Variants in RFC3 observed in about 807,000 individuals in gnomAD.
RFC3 encodes the protein replication factor C subunit 3, also known as A1 38 kDa subunit.
A neutral mutation model predicts 45.1 loss-of-function variants in RFC3; 41 were observed. That is an observed-to-expected ratio of 0.91 (90% confidence interval 0.71 to 1.18). RFC3 has a LOEUF of 1.18. Ranked by LOEUF, RFC3 falls within the 50% of genes most tolerant of loss-of-function variation. The probability of loss-of-function intolerance (pLI) is 0.00; values close to 1 mark genes in which losing one functional copy is unlikely to be tolerated. For synonymous variants in RFC3, 149 were observed against 144.0 expected, an observed-to-expected ratio of 1.03 and a Z score of -0.25; for missense variants, 423 against 428.1, an observed-to-expected ratio of 0.99 and a Z score of 0.10.
chr13:33,818,408 G>C (rs2139365892), intron 1 of RFC3, 143 bp downstream of exon 1: 1 of 620,920 alleles, frequency 1.6e-6, no homozygotes, highest in East Asian at 2.9e-5. Context: ...GAAGGGGGAA[G>C]AGGTGTGGGA....
intron 8 of RFC3, among the ~76,000 whole-genome samples, chr13:33,899,204 C>CAAAAAAAAAGAA (rs2082621868): frequency 1.9e-5 from 1 of 51,968 alleles, no homozygotes; most frequent in Non-Finnish European, 3.6e-5. Flanking sequence ...CACAATAAGA[C>CAAAAAAAAAGAA]AAAAAAAAAA....
At chr13:33,839,107 G>C (rs971788712), downstream of RFC3, among the ~76,000 whole-genome samples, 2 of 152,134 alleles carry the variant, frequency 1.3e-5, no homozygotes, top group Admixed American at 1.3e-4. Context: ...GTGGAATGAG[G>C]AATGCATTCA....
chr13:33,974,483 G>A, the RFC3 span, among the ~76,000 whole-genome samples: 1 of 152,124 alleles, frequency 6.6e-6, no homozygotes, highest in South Asian at 2.1e-4. Flanking sequence ...CCCCAGCATG[G>A]AATGATGGTC....
intron 4 of RFC3, among the ~76,000 whole-genome samples, chr13:33,827,368 A>G (rs2139396779): frequency 6.6e-6 from 1 of 152,326 alleles, no homozygotes; most frequent in Admixed American, 6.5e-5. Flanking sequence ...TTTTCTGCCT[A>G]CCAAGTACTG....
At chr13:33,842,053 G>A (rs774294639), downstream of RFC3, among the ~76,000 whole-genome samples, 1 of 152,246 alleles carries the variant, frequency 6.6e-6, no homozygotes, top group Non-Finnish European at 1.5e-5. Flanking sequence ...AGGCTGAGGC[G>A]GGAAAGTTGC....
At chr13:33,887,953 A>T (rs1234512384) in intron 8 of RFC3, among the ~76,000 whole-genome samples, 1 of 152,112 alleles carries the variant, frequency 6.6e-6, no homozygotes, top group Admixed American at 6.5e-5. Context: ...ACGCAGCATT[A>T]TTTCTGAGGG....
At chr13:33,912,933 A>G (rs1198507723) in intron 8 of RFC3, among the ~76,000 whole-genome samples, 1 of 152,002 alleles carries the variant, frequency 6.6e-6, no homozygotes, top group Non-Finnish European at 1.5e-5. Flanking sequence ...AGAGAGAGAA[A>G]TCATAGATAA....
At chr13:33,924,845 A>G (rs2082793256) in intron 8 of RFC3, among the ~76,000 whole-genome samples, 1 of 150,468 alleles carries the variant, frequency 6.6e-6, no homozygotes, top group African/African-American at 2.4e-5. Context: ...TGGTGACTAT[A>G]GTTAACAATA....
At chr13:33,889,574 C>T (rs1178590720) in intron 8 of RFC3, among the ~76,000 whole-genome samples, 3 of 152,136 alleles carry the variant, frequency 2.0e-5, no homozygotes, top group African/African-American at 7.2e-5. Flanking sequence ...CTTTCAAAAT[C>T]CTCTTTTCTA....
At chr13:33,901,717 GTATT>G (rs776723437) in intron 8 of RFC3, among the ~76,000 whole-genome samples, 5 of 152,040 alleles carry the variant, frequency 3.3e-5, no homozygotes, top group Non-Finnish European at 7.4e-5. Context: ...ATTAAGAAAA[GTATT>G]TAAGGTGATG....
intron 8 of RFC3, among the ~76,000 whole-genome samples, chr13:33,938,629 T>A (rs1307623872): frequency 6.6e-6 from 1 of 152,194 alleles, no homozygotes; most frequent in Non-Finnish European, 1.5e-5. Context: ...GATTTCTTCA[T>A]TCTCATTGCT....
intron 8 of RFC3, among the ~76,000 whole-genome samples, chr13:33,912,018 C>A (rs1355417185): frequency 1.3e-5 from 2 of 152,082 alleles, no homozygotes; most frequent in Non-Finnish European, 2.9e-5. Flanking sequence ...CAAAAGTAAT[C>A]ATGGTTTTGC....
intron 8 of RFC3, among the ~76,000 whole-genome samples, chr13:33,861,937 T>G (rs1343027426): frequency 6.6e-6 from 1 of 152,206 alleles, no homozygotes; most frequent in Non-Finnish European, 1.5e-5. Context: ...CTGGAAGCTC[T>G]AAGAAACATT....
intron 8 of RFC3, among the ~76,000 whole-genome samples, chr13:33,851,507 A>G (rs2082276355): frequency 6.6e-6 from 1 of 152,178 alleles, no homozygotes. Context: ...GGAAGAAAAA[A>G]TATATTTACT....
intron 8 of RFC3, among the ~76,000 whole-genome samples, chr13:33,873,710 C>G (rs963454746): frequency 6.6e-6 from 1 of 152,146 alleles, no homozygotes; most frequent in Non-Finnish European, 1.5e-5. Flanking sequence ...TGCTCCATCT[C>G]CTCATCTTTA....
At chr13:33,904,507 A>G (rs922748662) in intron 8 of RFC3, among the ~76,000 whole-genome samples, 1 of 151,924 alleles carries the variant, frequency 6.6e-6, no homozygotes, top group Non-Finnish European at 1.5e-5. Flanking sequence ...GGCTACTGTT[A>G]ACTCTCTTCT....
intron 8 of RFC3, among the ~76,000 whole-genome samples, chr13:33,956,259 C>G (rs2137847149): frequency 6.6e-6 from 1 of 152,252 alleles, no homozygotes; most frequent in East Asian, 1.9e-4. Flanking sequence ...AATATTGAAA[C>G]ATAAAAATCA....
intron 8 of RFC3, among the ~76,000 whole-genome samples, chr13:33,948,949 G>C (rs1004660557): frequency 2.0e-5 from 3 of 152,146 alleles, no homozygotes; most frequent in African/African-American, 7.2e-5. Flanking sequence ...TAAGACTTTG[G>C]ACTTGGACTT....
At chr13:33,942,140 TAAATC>T (rs1407491835) in intron 8 of RFC3, among the ~76,000 whole-genome samples, 5 of 152,130 alleles carry the variant, frequency 3.3e-5, no homozygotes, top group Non-Finnish European at 5.9e-5. Flanking sequence ...GTGTGTTTGA[TAAATC>T]TAATGCCTGC....
Sources: allele counts gnomAD v4.1 joint callset (sites outside exome capture counted in the v4.1 genomes callset), GRCh38; gene constraint gnomAD v4.1.1; transcripts MANE v1.5; gene names NCBI Gene and HGNC (gene_info 2026-07-23, HGNC 2026-07-21).